RAB3C: variants seen among roughly 807,000 people sequenced by gnomAD.
RAB3C encodes the protein RAB3C, member RAS oncogene family.
In RAB3C, 17 loss-of-function variants were observed where a neutral mutation model predicts 26.4. The ratio of observed to expected loss-of-function variants is 0.64; its 90% CI spans 0.44 to 0.97. The LOEUF (loss-of-function observed/expected upper bound fraction) is 0.97, where lower values mean the gene tolerates loss of function less well. RAB3C is among the 50% of genes least tolerant of loss of function. RAB3C has a pLI of 0.00. For synonymous variants in RAB3C, 91 were observed against 95.9 expected (o/e 0.95, Z 0.30); for missense variants, 242 against 281.9 (o/e 0.86, Z 1.01).
chr5:58,838,319 G>A (rs1356859214), intron 4 of RAB3C, among the ~76,000 whole-genome samples: 1 of 151,526 alleles, frequency 6.6e-6, no homozygotes, highest in East Asian at 1.9e-4. Flanking sequence ...GGCAGAGCTT[G>A]CAGTGAGCTG....
At chr5:58,702,722 A>G (rs1389875868) in intron 2 of RAB3C, among the ~76,000 whole-genome samples, 1 of 152,148 alleles carries the variant, frequency 6.6e-6, no homozygotes, top group Admixed American at 6.5e-5. Flanking sequence ...AAAGAAAGAT[A>G]ATAAGAGATA....
intron 3 of RAB3C, among the ~76,000 whole-genome samples, chr5:58,755,154 C>T (rs1273992406): frequency 2.6e-5 from 4 of 152,170 alleles, no homozygotes; most frequent in African/African-American, 7.2e-5. Context: ...AGGAGGATAA[C>T]AGAAGGGCAC....
chr5:58,624,297 C>T (rs952312014), intron 2 of RAB3C, among the ~76,000 whole-genome samples: 2 of 152,064 alleles, frequency 1.3e-5, no homozygotes, highest in South Asian at 2.1e-4. Context: ...CCTGGGGACT[C>T]GGGAAGGTTT....
intron 2 of RAB3C, among the ~76,000 whole-genome samples, chr5:58,677,084 C>G (rs1275229602): frequency 2.0e-5 from 3 of 152,192 alleles, no homozygotes; most frequent in Non-Finnish European, 4.4e-5. Context: ...CTCCTCGCTT[C>G]TGTTATTCTG....
chr5:58,854,339 C>T lies in RAB3C; in HGVS notation c.*2988C>T, dbSNP rs566264604. The T allele has an allele frequency of 6.6e-6, 1 of 152,228 alleles. No homozygotes were observed. Among genetic ancestry groups the T allele is most frequent in the African/African-American group, 2.4e-5 (1 of 41,544 alleles). 9.4% of individuals were successfully genotyped at this position (152,228 alleles called of 1,614,324 possible). On this transcript the variant is annotated 3_prime_UTR_variant, in exon 5 of 5. Coordinates refer to ENST00000282878, the MANE Select transcript of RAB3C (RefSeq NM_138453.4). ...GGAATAAACCTGAACTGTTCCAAATCGATTCTTCCAAGAGCTTTGGTGTTG... is the reference window on the plus strand; with the variant it reads ...GGAATAAACCTGAACTGTTCCAAATTGATTCTTCCAAGAGCTTTGGTGTTG...
chr5:58,742,263 C>G (rs957211121), intron 3 of RAB3C, among the ~76,000 whole-genome samples: 19 of 152,158 alleles, frequency 1.2e-4, no homozygotes, highest in African/African-American at 4.6e-4. Flanking sequence ...GGCTTCATTG[C>G]CACTGAAGTT....
At chr5:58,596,834 ATT>A (rs1491313654) in intron 1 of RAB3C, among the ~76,000 whole-genome samples, 8 of 85,312 alleles carry the variant, frequency 9.4e-5, no homozygotes, top group South Asian at 5.4e-4. Context: ...TTATATATAA[ATT>A]TATAATATAT....
intron 2 of RAB3C, among the ~76,000 whole-genome samples, chr5:58,673,131 C>T (rs1748154683): frequency 6.6e-6 from 1 of 152,088 alleles, no homozygotes; most frequent in Admixed American, 6.6e-5. Context: ...GTGTTCTAGG[C>T]ATTAGGCAAG....
Position 58,857,937 on chromosome 5 carries a change from T to A in RAB3C, c.*6586T>A, listed in dbSNP as rs906274254. On this transcript the variant is annotated 3_prime_UTR_variant, in exon 5 of 5. Transcript: ENST00000282878. Reference sequence around the variant, plus strand: ...TTAAATTAGAATAACCGTCTTAAACTCCTACTTGCCATTTCTAAGGCAAAG... The same window carrying A: ...TTAAATTAGAATAACCGTCTTAAACACCTACTTGCCATTTCTAAGGCAAAG... 6.6e-6 allele frequency: 1 copy of A among 152,212 alleles called. No individual in the cohort carries two copies. Among genetic ancestry groups the A allele is most frequent in the African/African-American group, 2.4e-5 (1 of 41,466 alleles). The allele number at this position is 152,212 out of a possible 1,614,324, so 9.4% of individuals were successfully genotyped here. A position where few individuals can be genotyped will look rare whatever the true frequency, so the allele number is the denominator to read the frequency against.
intron 4 of RAB3C, among the ~76,000 whole-genome samples, chr5:58,831,258 T>C (rs916399057): frequency 4.6e-5 from 7 of 152,186 alleles, no homozygotes; most frequent in African/African-American, 1.7e-4. Flanking sequence ...CTGGTAAACC[T>C]ATTTAAACTC....
intron 2 of RAB3C, among the ~76,000 whole-genome samples, chr5:58,662,688 A>G (rs1285351446): frequency 6.7e-6 from 1 of 150,238 alleles, no homozygotes; most frequent in Non-Finnish European, 1.5e-5. Context: ...CCAGACACAG[A>G]AGAGAATATA....
upstream of RAB3C, chr5:58,583,004 G>C: frequency 1.5e-6 from 2 of 1,372,460 alleles, no homozygotes; most frequent in South Asian, 1.7e-5. Flanking sequence ...CGGAGGGCGA[G>C]ACTACAGCTC....
At chr5:58,805,588 TG>T (rs1398508726) in intron 3 of RAB3C, among the ~76,000 whole-genome samples, 9 of 46,816 alleles carry the variant, frequency 1.9e-4, no homozygotes, top group Admixed American at 5.9e-4. Context: ...AGACTCCATC[TG>T]AAAAAAAAAA....
intron 1 of RAB3C, among the ~76,000 whole-genome samples, chr5:58,586,777 C>A (rs960771760): frequency 1.3e-5 from 2 of 152,002 alleles, no homozygotes; most frequent in African/African-American, 4.8e-5. Flanking sequence ...TGAAGAAGGA[C>A]TATAGATGTA....
chr5:58,721,988 A>C (rs560396275), intron 2 of RAB3C, among the ~76,000 whole-genome samples: 1 of 151,686 alleles, frequency 6.6e-6, no homozygotes, highest in Admixed American at 6.6e-5. Flanking sequence ...ATTTTGATAC[A>C]TAATGGCTAT....
chr5:58,585,166 T>G (rs188736491), intron 1 of RAB3C, among the ~76,000 whole-genome samples: 100 of 152,144 alleles, frequency 6.6e-4, no homozygotes, highest in Non-Finnish European at 8.7e-4. Context: ...GCATATTTAA[T>G]TAAAGCACAT....
chr5:58,748,615 CATGT>C lies in RAB3C; in HGVS notation c.371+22501_371+22504del, dbSNP rs202102717. Among the ~76,000 whole-genome samples, 302 of 151,952 alleles carry C rather than the reference CATGT, an allele frequency of 2.0e-3. 9 individuals carry two copies. The East Asian group carries it at 0.054, about 27-fold the overall frequency. On this transcript the variant is annotated intron_variant, in intron 3 of 4. Transcript: ENST00000282878. ...ATGGGTGTGTGTGTGTGTGTGCATG[CATGT>C]ATGTACATGCGTATCTCCCTTCCAG...
At chr5:58,596,538 TATA>T (rs1746259634) in intron 1 of RAB3C, among the ~76,000 whole-genome samples, 2 of 127,390 alleles carry the variant, frequency 1.6e-5, no homozygotes, top group South Asian at 4.6e-4. Flanking sequence ...TATATAAATA[TATA>T]ATACTATATA....
intron 2 of RAB3C, among the ~76,000 whole-genome samples, chr5:58,716,434 A>G (rs1749175609): frequency 6.6e-6 from 1 of 152,116 alleles, no homozygotes; most frequent in South Asian, 2.1e-4. Flanking sequence ...TAGACTTTGG[A>G]TATTTGAGAA....
Sources: allele counts gnomAD v4.1 joint callset (sites outside exome capture counted in the v4.1 genomes callset), GRCh38; gene constraint gnomAD v4.1.1; transcripts MANE v1.5; gene names NCBI Gene and HGNC (gene_info 2026-07-23, HGNC 2026-07-21).